The following KAZN variants were observed in gnomAD, a reference collection of about 807,000 sequenced individuals.
KAZN encodes the protein kazrin.
KAZN carries 40 observed loss-of-function variants against 87.4 expected under a neutral mutation model. The ratio of observed to expected loss-of-function variants is 0.46; its 90% confidence interval spans 0.36 to 0.60. The LOEUF (loss-of-function observed/expected upper bound fraction) is 0.60. KAZN is among the 20% of genes least tolerant of loss of function. The probability of loss-of-function intolerance (pLI) is 0.00; values close to 1 mark genes in which losing one functional copy is unlikely to be tolerated. For synonymous variants in KAZN, 466 were observed against 458.3 expected, an observed-to-expected ratio of 1.02 and a Z score of -0.22; for missense variants, 898 against 1,073.9, an observed-to-expected ratio of 0.84 and a Z score of 2.29.
intron 2 of KAZN, among the ~76,000 whole-genome samples, chr1:14,330,639 T>G (rs1315616728): frequency 6.6e-6 from 1 of 152,118 alleles, no homozygotes; most frequent in South Asian, 2.1e-4. Context: ...ACTTGAAAAG[T>G]TGCCATCAGG....
intron 1 of KAZN, among the ~76,000 whole-genome samples, chr1:14,900,355 T>A (rs1655726992): frequency 6.6e-6 from 1 of 152,110 alleles, no homozygotes; most frequent in South Asian, 2.1e-4. Context: ...CCTCTGCCAA[T>A]TTGCAGAGTT....
chr1:14,366,826 G>C (rs1321737557), intron 2 of KAZN, among the ~76,000 whole-genome samples: 1 of 152,202 alleles, frequency 6.6e-6, no homozygotes, highest in East Asian at 1.9e-4. Context: ...TGGTCAGTGT[G>C]ACAGCCTTTT....
intron 2 of KAZN, among the ~76,000 whole-genome samples, chr1:14,322,275 TAAAG>T (rs921499455): frequency 1.4e-5 from 2 of 141,290 alleles, no homozygotes; most frequent in Non-Finnish European, 3.2e-5. Flanking sequence ...AATAAATAAA[TAAAG>T]TAAGTAAATA....
Position 14,986,984 on chromosome 1 carries a change from G to A in KAZN, c.418+26109G>A, listed in dbSNP as rs577147807. Among the ~76,000 whole-genome samples the A allele has an allele frequency of 2.7e-4, 18 of 66,214 alleles. 1 individual carries two copies. The highest frequency in any genetic ancestry group is 3.8e-4 in the Admixed American group (2 of 5,278). 43.4% of individuals were successfully genotyped at this position (66,214 alleles called of 152,430 possible). A position where few individuals can be genotyped will look rare whatever the true frequency, so the allele number is the denominator to read the frequency against. ...ATTCCAGAAATATCAATTGACCTCC[G>A]ATGCATGCCAGGCCAGGGCTGGGCA... is the stretch of plus-strand genomic sequence containing the variant. On this transcript the variant is annotated intron_variant, in intron 2 of 14. Transcript: ENST00000376030.
intron 2 of KAZN, among the ~76,000 whole-genome samples, chr1:14,501,590 A>G (rs1670257678): frequency 6.6e-6 from 1 of 152,206 alleles, no homozygotes; most frequent in Non-Finnish European, 1.5e-5. Context: ...TCAACAACAG[A>G]GGTGCAAGAA....
At chr1:14,883,355 A>AGAGAAAGGAAAG (rs1553150619) in intron 1 of KAZN, among the ~76,000 whole-genome samples, 1 of 20,600 alleles carries the variant, frequency 4.9e-5, no homozygotes. Flanking sequence ...AGAAAGAAAG[A>AGAGAAAGGAAAG]AAAGAAAGAA....
At chr1:14,956,547 A>G (rs1663134211) in intron 1 of KAZN, among the ~76,000 whole-genome samples, 1 of 151,810 alleles carries the variant, frequency 6.6e-6, no homozygotes, top group Admixed American at 6.6e-5. Context: ...CAGAGGTTGT[A>G]GTGAGCTGAG....
At chr1:14,980,682 A>G (rs565179558) in intron 2 of KAZN, among the ~76,000 whole-genome samples, 2 of 152,264 alleles carry the variant, frequency 1.3e-5, no homozygotes, top group East Asian at 3.9e-4. Context: ...TATGGACCTG[A>G]AAAAGACATG....
chr1:14,262,834 A>G (rs539754273), intron 2 of KAZN, among the ~76,000 whole-genome samples: 2 of 152,328 alleles, frequency 1.3e-5, no homozygotes, highest in South Asian at 2.1e-4. Flanking sequence ...CGGCAACACC[A>G]GGCTTGTAGC....
intron 1 of KAZN, among the ~76,000 whole-genome samples, chr1:14,085,259 T>G (rs151241431): frequency 1.3e-5 from 2 of 152,338 alleles, no homozygotes; most frequent in Non-Finnish European, 2.9e-5. Context: ...TGTAATTGCT[T>G]TGTCAGTTTT....
At chr1:14,255,138 A>AAAAG (rs1557597014) in intron 2 of KAZN, among the ~76,000 whole-genome samples, 2 of 125,302 alleles carry the variant, frequency 1.6e-5, no homozygotes, top group Non-Finnish European at 3.1e-5. Context: ...AAAAAAAAAA[A>AAAAG]AAGAAGAAGA....
Position 14,183,330 on chromosome 1 carries a change from G to A in KAZN, c.249+2738G>A, listed in dbSNP as rs113706567. ...AATCCATCCTGGAAAATGGAATCGC[G>A]AAGGGAGCACCTCACATGGGTAGCC... On this transcript the variant is annotated intron_variant, in intron 2 of 16. Transcript: ENST00000636203. Among the ~76,000 whole-genome samples the A allele has an allele frequency of 8.0e-4, 122 of 152,272 alleles. 2 individuals are homozygous for A. The highest frequency in any genetic ancestry group is 2.8e-3 in the African/African-American group (115 of 41,560).
chr1:14,653,983 T>C (rs1638617956), intron 1 of KAZN, among the ~76,000 whole-genome samples: 1 of 152,068 alleles, frequency 6.6e-6, no homozygotes, highest in East Asian at 1.9e-4. Context: ...CCCACAATTA[T>C]AACAACCAAA....
chr1:14,588,916 C>T (rs553223632), intron 2 of KAZN, among the ~76,000 whole-genome samples: 7 of 152,290 alleles, frequency 4.6e-5, no homozygotes, highest in Admixed American at 3.9e-4. Flanking sequence ...TACGTTCTTG[C>T]ACTTGCGGTC....
chr1:14,445,517 C>T (rs1666937927), intron 2 of KAZN, among the ~76,000 whole-genome samples: 2 of 152,096 alleles, frequency 1.3e-5, no homozygotes, highest in Non-Finnish European at 2.9e-5. Context: ...CAGAAGGAGC[C>T]AGCCCTGCCC....
intron 1 of KAZN, among the ~76,000 whole-genome samples, chr1:14,602,373 G>A (rs548895616): frequency 9.2e-5 from 14 of 152,290 alleles, no homozygotes; most frequent in African/African-American, 3.4e-4. Flanking sequence ...GAATGCTGGC[G>A]TACAGTGCAG....
intron 5 of KAZN, among the ~76,000 whole-genome samples, chr1:15,058,965 C>T (rs951494912): frequency 3.3e-5 from 5 of 151,800 alleles, no homozygotes; most frequent in African/African-American, 9.7e-5. Context: ...GAGGTTGTGG[C>T]GAGCAAAGAA....
intron 1 of KAZN, among the ~76,000 whole-genome samples, chr1:14,646,661 A>C (rs145444384): frequency 6.6e-6 from 1 of 152,298 alleles, no homozygotes; most frequent in Non-Finnish European, 1.5e-5. Flanking sequence ...AGATGTCAGC[A>C]GTGTCCCCCA....
intron 1 of KAZN, among the ~76,000 whole-genome samples, chr1:14,698,621 C>A (rs1451263978): frequency 3.3e-5 from 5 of 152,246 alleles, no homozygotes; most frequent in Non-Finnish European, 5.9e-5. Flanking sequence ...AGCTAGGAGA[C>A]CCTCATTGGT....
Sources: allele counts gnomAD v4.1 joint callset (sites outside exome capture counted in the v4.1 genomes callset), GRCh38; gene constraint gnomAD v4.1.1; transcripts MANE v1.5; gene names NCBI Gene and HGNC (gene_info 2026-07-23, HGNC 2026-07-21).